The following TNKS variants were observed in gnomAD, a reference collection of about 807,000 sequenced individuals.
TNKS encodes the protein poly [ADP-ribose] polymerase tankyrase-1.
TNKS carries 72 observed loss-of-function variants against 135.8 expected under a neutral mutation model. The observed-to-expected ratio is 0.53, with a 90% CI of 0.44 to 0.64. TNKS has a LOEUF of 0.64. Ranked by LOEUF, TNKS falls within the 30% of genes least tolerant of loss-of-function variation. TNKS has a pLI of 0.00. For synonymous variants in TNKS, 849 were observed against 649.3 expected, an observed-to-expected ratio of 1.31 and a Z score of -4.68; for missense variants, 1,769 against 1,674.0, an observed-to-expected ratio of 1.06 and a Z score of -0.99.
At position 9,752,564 on chromosome 8, in the gene TNKS, A is replaced by G. The variant is rs748431732; in HGVS notation, c.3091A>G (p.Ile1031Val). The G allele has an allele frequency of 7.4e-6, 12 of 1,613,068 alleles. No individual in the cohort carries two copies. The highest frequency in any genetic ancestry group is 1.0e-5 in the Non-Finnish European group (12 of 1,179,544). The change falls in exon 20 of 27, where the codon ATC becomes GTC. Residue 1031 changes from isoleucine to valine, a missense_variant. By Grantham distance (29) the Ile-to-Val change is conservative. Coordinates refer to ENST00000310430, the MANE Select transcript of TNKS (RefSeq NM_003747.3). ...TTTAGTTGCTGGTCTTGACATGAAT[A>G]TCAGCCAATTTCTAAAAAGCCTTGG... ...EGEVAGLDMN[I>V]SQFLKSLGLE... is the part of the protein sequence containing the mutation.
intron 2 of TNKS, among the ~76,000 whole-genome samples, chr8:9,605,154 G>C (rs1799167501): frequency 6.6e-6 from 1 of 151,984 alleles, no homozygotes; most frequent in Non-Finnish European, 1.5e-5. Flanking sequence ...CCAAAAAGTT[G>C]TCTGGTGCCC....
intron 5 of TNKS, among the ~76,000 whole-genome samples, chr8:9,695,898 A>G (rs1803490799): frequency 6.6e-6 from 1 of 152,234 alleles, no homozygotes; most frequent in Non-Finnish European, 1.5e-5. Context: ...CGTTGTCATT[A>G]ACAAGAAATT....
intron 17 of TNKS, chr8:9,740,823 G>GTTTTTTTTTTTTTTTTTTT (rs565849400): frequency 1.7e-5 from 1 of 60,496 alleles, no homozygotes; most frequent in Non-Finnish European, 3.7e-5. Flanking sequence ...TGTAATTCTT[G>GTTTTTTTTTTTTTTTTTTT]TTGTTTTTTT....
intron 3 of TNKS, among the ~76,000 whole-genome samples, chr8:9,619,719 T>C (rs1365708647): frequency 2.0e-5 from 3 of 152,072 alleles, no homozygotes; most frequent in Non-Finnish European, 4.4e-5. Context: ...ACCGGCAATA[T>C]TGAGGTGTCT....
chr8:9,690,195 C>G (rs1470472102), intron 5 of TNKS, among the ~76,000 whole-genome samples: 2 of 152,170 alleles, frequency 1.3e-5, no homozygotes, highest in African/African-American at 4.8e-5. Context: ...ATGCTAGAAA[C>G]TCATTTTCAC....
intron 3 of TNKS, among the ~76,000 whole-genome samples, chr8:9,652,274 G>A (rs1411262964): frequency 6.6e-6 from 1 of 152,152 alleles, no homozygotes; most frequent in Non-Finnish European, 1.5e-5. Flanking sequence ...TCCTGGTAAG[G>A]TTTTATCGAT....
At chr8:9,654,253 A>C (rs187692925) in intron 3 of TNKS, among the ~76,000 whole-genome samples, 1 of 152,382 alleles carries the variant, frequency 6.6e-6, no homozygotes, top group East Asian at 1.9e-4. Context: ...GGAAGATTCT[A>C]ACAGGCATTT....
In TNKS at chr8:9,775,459, CTATATATATATATATATATATATATA is replaced by C. The variant is rs59789406; in HGVS notation, c.3898-1171_3898-1146del. On this transcript the variant is annotated intron_variant, in intron 26 of 26. Coordinates refer to ENST00000310430, the MANE Select transcript of TNKS (RefSeq NM_003747.3). ...ACGGAAAAGAATATTATGAATGGTT[CTATATATATATATATATATATATATA>C]TATATATATATATATATATGTAGAC... 1.3e-3 allele frequency among the ~76,000 whole-genome samples: 105 copies of C among 80,624 alleles called. 1 individual carries two copies. The highest frequency in any genetic ancestry group is 1.7e-3 in the Non-Finnish European group (70 of 40,234). The allele number at this position is 80,624 out of a possible 152,430, so 52.9% of individuals were successfully genotyped here. A position where few individuals can be genotyped will look rare whatever the true frequency, so the allele number is the denominator to read the frequency against.
intron 26 of TNKS, among the ~76,000 whole-genome samples, chr8:9,771,295 GGA>G (rs1491260018): frequency 1.6e-4 from 22 of 137,010 alleles, no homozygotes; most frequent in African/African-American, 5.1e-4. Flanking sequence ...AAGGGAGGGA[GGA>G]GAGAGGAAGG....
At chr8:9,762,227 T>C (rs1807182086) in intron 21 of TNKS, among the ~76,000 whole-genome samples, 1 of 152,182 alleles carries the variant, frequency 6.6e-6, no homozygotes, top group South Asian at 2.1e-4. Flanking sequence ...TTTTTACCCA[T>C]TTCTCTATTT....
intron 1 of TNKS, among the ~76,000 whole-genome samples, chr8:9,569,720 T>G (rs543454743): frequency 6.6e-6 from 1 of 152,352 alleles, no homozygotes; most frequent in Admixed American, 6.5e-5. Context: ...TTTGCATTTC[T>G]TAGTCACTGT....
In TNKS at chr8:9,685,086, A is replaced by T. The variant is rs115794262; in HGVS notation, c.1107+4286A>T. The stretch of plus-strand genomic sequence containing the variant: ...AAACTTAAGGATTTCTTTAAGTGTC[A>T]ACTTTCTGTAAATATTTGCTTCCAA... On this transcript the variant is annotated intron_variant, in intron 5 of 26. Coordinates refer to ENST00000310430, the MANE Select transcript of TNKS (RefSeq NM_003747.3). 3.1e-3 allele frequency among the ~76,000 whole-genome samples: 472 copies of T among 152,272 alleles called. 3 individuals are homozygous for T. Among genetic ancestry groups the T allele is most frequent in the African/African-American group, 0.011 (449 of 41,576 alleles).
intron 3 of TNKS, among the ~76,000 whole-genome samples, chr8:9,653,936 C>T (rs1801242326): frequency 6.6e-6 from 1 of 152,172 alleles, no homozygotes; most frequent in Admixed American, 6.5e-5. Flanking sequence ...GTCTCCATTT[C>T]CTGTCTGCAT....
chr8:9,759,771 G>A (rs960367664), intron 20 of TNKS, among the ~76,000 whole-genome samples: 7 of 151,970 alleles, frequency 4.6e-5, no homozygotes, highest in African/African-American at 1.7e-4. Context: ...TCAGGAGATC[G>A]AGACCATCCT....
At chr8:9,732,290 C>T (rs1227770551) in intron 14 of TNKS, among the ~76,000 whole-genome samples, 2 of 152,148 alleles carry the variant, frequency 1.3e-5, no homozygotes, top group Non-Finnish European at 2.9e-5. Context: ...AAGCTTAAGG[C>T]AGCTACTTAG....
In TNKS at chr8:9,556,289, C is replaced by T. The variant is rs963339036; in HGVS notation, c.350C>T (p.Ala117Val). 2.5e-6 allele frequency: 4 copies of T among 1,614,148 alleles called. No individual in the cohort carries two copies. The African/African-American group carries it at 5.3e-5, about 22-fold the overall frequency. The change falls in exon 1 of 27, where the codon GCT becomes GTT. Residue 117 changes from alanine to valine, a missense_variant. By Grantham distance (64) the Ala-to-Val change is moderately conservative. This residue lies in a region of TNKS where 450 missense variants were observed against 304.9 expected (regional missense o/e 1.48). Coordinates refer to ENST00000310430, the MANE Select transcript of TNKS (RefSeq NM_003747.3). Reference sequence around the variant, plus strand: ...TCTACTTCATCTGCCGCTGGGGTCGCTCCCAACCCAGCCGGCAGTGGCAGT... The same window carrying T: ...TCTACTTCATCTGCCGCTGGGGTCGTTCCCAACCCAGCCGGCAGTGGCAGT... ...AVSTSSAAGV[A>V]PNPAGSGSNN... is the part of the protein sequence containing the mutation.
intron 3 of TNKS, among the ~76,000 whole-genome samples, chr8:9,673,567 C>G (rs1239553921): frequency 6.6e-6 from 1 of 151,260 alleles, no homozygotes; most frequent in African/African-American, 2.4e-5. Context: ...TCTCAGCCTC[C>G]CGAATAGATG....
chr8:9,593,298 A>G (rs1452134692), intron 2 of TNKS, among the ~76,000 whole-genome samples: 1 of 152,250 alleles, frequency 6.6e-6, no homozygotes, highest in Non-Finnish European at 1.5e-5. Flanking sequence ...CCAGTTTACC[A>G]GTGAAGAAGG....
chr8:9,754,089 G>C (rs1054198960), intron 20 of TNKS, among the ~76,000 whole-genome samples: 7 of 152,164 alleles, frequency 4.6e-5, no homozygotes, highest in Non-Finnish European at 5.9e-5. Flanking sequence ...GAGGCCACCA[G>C]TATAATCCTG....
Sources: allele counts gnomAD v4.1 joint callset (sites outside exome capture counted in the v4.1 genomes callset), GRCh38; gene constraint gnomAD v4.1.1; regional missense constraint gnomAD v4.1.1; transcripts MANE v1.5; gene names NCBI Gene and HGNC (gene_info 2026-07-23, HGNC 2026-07-21).